KLF8: variants seen among roughly 807,000 people sequenced by gnomAD.
KLF8 encodes the protein Krueppel-like factor 8.
Under a neutral mutation model 18.2 loss-of-function variants are expected in KLF8, and 10 were observed. The observed-to-expected ratio is 0.55, with a 90% CI of 0.34 to 0.93. KLF8 has a LOEUF of 0.93. Among genes scored for constraint, KLF8 ranks in the 40% least tolerant of loss-of-function variants. The probability of loss-of-function intolerance (pLI) is 0.02; values close to 1 mark genes in which losing one functional copy is unlikely to be tolerated. For synonymous variants in KLF8, 109 were observed against 97.3 expected, an observed-to-expected ratio of 1.12 and a Z score of -0.71; for missense variants, 264 against 277.9, an observed-to-expected ratio of 0.95 and a Z score of 0.36.
chrX:55,931,824 T>C, the KLF8 span, among the ~76,000 whole-genome samples: 1 of 111,369 alleles, frequency 9.0e-6, no homozygotes, highest in Non-Finnish European at 1.9e-5. Context: ...AATGTGGTGC[T>C]GAGAAGAATG....
chrX:56,289,019 T>A lies in KLF8; in HGVS notation c.*4525T>A, dbSNP rs956535199. On this transcript the variant is annotated 3_prime_UTR_variant, in exon 6 of 6. Coordinates refer to ENST00000468660, the MANE Select transcript of KLF8 (RefSeq NM_007250.5). ...GAGTGGTAAGTTATATGCCACACCCTTCAGAGCATGTATCTTACATAAATT... is the reference window on the plus strand; with the variant it reads ...GAGTGGTAAGTTATATGCCACACCCATCAGAGCATGTATCTTACATAAATT... Among the ~76,000 whole-genome samples, 10 of 112,225 alleles carry A rather than the reference T, an allele frequency of 8.9e-5. No individual in the cohort carries two copies. The highest frequency in any genetic ancestry group is 1.7e-4 in the Non-Finnish European group (9 of 53,256).
chrX:56,022,541 T>G, the KLF8 span, among the ~76,000 whole-genome samples: 2 of 67,158 alleles, frequency 3.0e-5, no homozygotes, highest in Non-Finnish European at 4.6e-5. Context: ...AGAGCGAGAC[T>G]CTGTCTGACC....
At chrX:56,121,301 G>A in the KLF8 span, among the ~76,000 whole-genome samples, 1 of 111,368 alleles carries the variant, frequency 9.0e-6, no homozygotes, top group East Asian at 2.8e-4. Context: ...GCAAAGGAAG[G>A]AGAAAGGATG....
At chrX:55,998,847 A>C in the KLF8 span, among the ~76,000 whole-genome samples, 1 of 95,116 alleles carries the variant, frequency 1.1e-5, no homozygotes, top group Non-Finnish European at 2.0e-5. Context: ...TTTTAGTTTA[A>C]TTAGGTCGCA....
the KLF8 span, among the ~76,000 whole-genome samples, chrX:55,978,186 T>C: frequency 9.0e-6 from 1 of 111,114 alleles, no homozygotes; most frequent in Non-Finnish European, 1.9e-5. Flanking sequence ...CTCAATCCCA[T>C]ATAAGTAGTA....
chrX:56,040,294 T>G, the KLF8 span, among the ~76,000 whole-genome samples: 2 of 111,730 alleles, frequency 1.8e-5, no homozygotes, highest in Admixed American at 1.9e-4. Flanking sequence ...GGCATCCTTT[T>G]CTCGTGCCAG....
At chrX:55,932,160 G>A in the KLF8 span, among the ~76,000 whole-genome samples, 3 of 109,190 alleles carry the variant, frequency 2.7e-5, no homozygotes, top group Non-Finnish European at 3.8e-5. Context: ...TTGGTTTAAG[G>A]TCTGTTTTAT....
chrX:55,956,474 A>G, the KLF8 span, among the ~76,000 whole-genome samples: 1 of 111,498 alleles, frequency 9.0e-6, no homozygotes, highest in Non-Finnish European at 1.9e-5. Context: ...CAGAACTTTC[A>G]TGCTGTTTTC....
chrX:55,991,284 G>T, the KLF8 span, among the ~76,000 whole-genome samples: 2 of 112,244 alleles, frequency 1.8e-5, no homozygotes, highest in African/African-American at 6.5e-5. Context: ...GAGGCTCTGT[G>T]GGCGTAGGAC....
intron 5 of KLF8, among the ~76,000 whole-genome samples, chrX:56,278,456 G>C (rs902362768): frequency 9.0e-6 from 1 of 111,164 alleles, no homozygotes; most frequent in South Asian, 3.8e-4. Flanking sequence ...CCATGAGCTA[G>C]GTCCTGGAAA....
At chrX:56,065,007 T>G in the KLF8 span, among the ~76,000 whole-genome samples, 3 of 111,766 alleles carry the variant, frequency 2.7e-5, no homozygotes, top group Non-Finnish European at 3.8e-5. Context: ...TGTGCATTTT[T>G]GGGGGTTTTT....
At chrX:56,094,201 T>G in the KLF8 span, among the ~76,000 whole-genome samples, 1 of 110,127 alleles carries the variant, frequency 9.1e-6, no homozygotes, top group Non-Finnish European at 1.9e-5. Flanking sequence ...TAGATCCAAC[T>G]ATGCTATTTA....
the KLF8 span, among the ~76,000 whole-genome samples, chrX:56,025,824 T>A: frequency 2.7e-5 from 3 of 111,882 alleles, no homozygotes; most frequent in East Asian, 8.4e-4. Context: ...ATAAACATGT[T>A]CCTTTTGGTG....
the KLF8 span, among the ~76,000 whole-genome samples, chrX:56,136,374 C>G: frequency 9.0e-6 from 1 of 111,384 alleles, no homozygotes; most frequent in Non-Finnish European, 1.9e-5. Context: ...CTACAGTAAC[C>G]AAAACAGCAT....
chrX:56,112,091 A>G, the KLF8 span, among the ~76,000 whole-genome samples: 746 of 112,163 alleles, frequency 6.7e-3, 4 homozygotes, highest in Non-Finnish European at 0.012. Context: ...CCAAATGCCC[A>G]TCAATGATAG....
chrX:56,228,478 A>C, upstream of KLF8, among the ~76,000 whole-genome samples: 1 of 112,264 alleles, frequency 8.9e-6, no homozygotes, highest in South Asian at 3.7e-4. Context: ...CATCTTATTT[A>C]ATCTTTTTGA....
intron 5 of KLF8, among the ~76,000 whole-genome samples, chrX:56,271,073 T>C (rs2067051636): frequency 8.9e-6 from 1 of 112,304 alleles, no homozygotes; most frequent in Non-Finnish European, 1.9e-5. Context: ...TTACATGGTA[T>C]TAGGTAACGT....
chrX:56,041,815 G>A, the KLF8 span, among the ~76,000 whole-genome samples: 20 of 110,903 alleles, frequency 1.8e-4, no homozygotes, highest in African/African-American at 6.6e-4. Context: ...TCAGCCTCCC[G>A]AATAGCTGGG....
At chrX:55,934,439 T>A in the KLF8 span, among the ~76,000 whole-genome samples, 1 of 111,960 alleles carries the variant, frequency 8.9e-6, no homozygotes, top group Non-Finnish European at 1.9e-5. Flanking sequence ...AAGATGCAAT[T>A]GTCAGAAGCA....
Sources: gnomAD v4.1 joint callset for allele counts (sites outside exome capture counted in the v4.1 genomes callset) on GRCh38, gnomAD v4.1.1 for gene constraint, MANE v1.5 for transcripts, NCBI Gene and HGNC (gene_info 2026-07-23, HGNC 2026-07-21) for gene names.